ZNF600: variants seen among roughly 807,000 people sequenced by gnomAD.
ZNF600 encodes zinc finger protein 600.
ZNF600 carries 4 observed loss-of-function variants against 7.3 expected under a neutral mutation model. The observed-to-expected ratio is 0.55, with a 90% CI of 0.27 to 1.25. ZNF600 has a LOEUF of 1.25. Among genes scored for constraint, ZNF600 ranks in the 50% most tolerant of loss-of-function variants. The pLI is 0.12. For missense variants in ZNF600, 911 were observed against 922.1 expected (o/e 0.99, Z 0.16); for synonymous variants, 290 against 308.9 (o/e 0.94, Z 0.64).
chr19:52,769,910 G>A (rs547842188), intron 3 of ZNF600, among the ~76,000 whole-genome samples: 6 of 152,160 alleles, frequency 3.9e-5, no homozygotes, highest in South Asian at 2.1e-4. Flanking sequence ...ACCACATACC[G>A]AAAAGCCATA....
intron 3 of ZNF600, among the ~76,000 whole-genome samples, chr19:52,769,655 T>C (rs530733766): frequency 1.3e-5 from 2 of 152,316 alleles, no homozygotes; most frequent in Non-Finnish European, 2.9e-5. Context: ...TTTTATCTCT[T>C]TGTCTTGTGT....
the ZNF600 span, among the ~76,000 whole-genome samples, chr19:52,819,093 A>G: frequency 7.1e-6 from 1 of 140,126 alleles, no homozygotes; most frequent in Non-Finnish European, 1.5e-5. Context: ...CAACAACCTG[A>G]GACAGGAAGG....
At chr19:52,823,242 C>G in the ZNF600 span, among the ~76,000 whole-genome samples, 1 of 152,086 alleles carries the variant, frequency 6.6e-6, no homozygotes, top group Non-Finnish European at 1.5e-5. Context: ...GGTACGGAGT[C>G]TTGCTCTGTT....
the ZNF600 span, among the ~76,000 whole-genome samples, chr19:52,820,677 C>A: frequency 3.3e-5 from 5 of 152,142 alleles, no homozygotes; most frequent in Non-Finnish European, 7.3e-5. Context: ...CTCTGATGAG[C>A]CTCCACATTT....
At chr19:52,792,347 A>G in the ZNF600 span, among the ~76,000 whole-genome samples, 1 of 151,898 alleles carries the variant, frequency 6.6e-6, no homozygotes, top group Non-Finnish European at 1.5e-5. Flanking sequence ...AGGGAACCAG[A>G]CTCCCCTTCT....
At chr19:52,814,785 C>A in the ZNF600 span, among the ~76,000 whole-genome samples, 4 of 145,170 alleles carry the variant, frequency 2.8e-5, no homozygotes, top group African/African-American at 1.1e-4. Context: ...TACTCAGGAG[C>A]CTGAGGCAGG....
chr19:52,812,787 A>AAAAG, the ZNF600 span, among the ~76,000 whole-genome samples: 7 of 131,076 alleles, frequency 5.3e-5, no homozygotes, highest in African/African-American at 1.9e-4. Context: ...AAAAAAAAAA[A>AAAAG]GTTTTAAGTG....
the ZNF600 span, among the ~76,000 whole-genome samples, chr19:52,804,892 C>T: frequency 6.6e-6 from 1 of 152,174 alleles, no homozygotes; most frequent in African/African-American, 2.4e-5. Flanking sequence ...GCTGACAAAT[C>T]TTATTAAACA....
chr19:52,822,674 C>T, the ZNF600 span, among the ~76,000 whole-genome samples: 3 of 152,132 alleles, frequency 2.0e-5, no homozygotes, highest in Non-Finnish European at 2.9e-5. Context: ...CATAGTTCAT[C>T]CTGGCTGTAC....
chr19:52,766,278 C>T (rs1317887039), exon 4 of ZNF600: 1 of 1,613,780 alleles, frequency 6.2e-7, no homozygotes. Context: ...TTTCTCTCCA[C>T]TATGAATTCT....
the ZNF600 span, chr19:52,810,660 C>T: frequency 5.6e-6 from 6 of 1,078,928 alleles, no homozygotes; most frequent in East Asian, 4.7e-5. Flanking sequence ...TCTGGGGTCG[C>T]GTCTACAGGG....
At chr19:52,776,754 A>G (rs1189928992) in intron 2 of ZNF600, among the ~76,000 whole-genome samples, 4 of 152,162 alleles carry the variant, frequency 2.6e-5, no homozygotes, top group African/African-American at 7.2e-5. Context: ...CATTACAATT[A>G]TTATAAAAAA....
At chr19:52,828,943 C>T in the ZNF600 span, among the ~76,000 whole-genome samples, 1 of 152,284 alleles carries the variant, frequency 6.6e-6, no homozygotes, top group African/African-American at 2.4e-5. Context: ...TGAATGCAAG[C>T]TCTGCCTCCC....
the ZNF600 span, among the ~76,000 whole-genome samples, chr19:52,818,556 T>C: frequency 6.6e-6 from 1 of 151,844 alleles, no homozygotes; most frequent in Non-Finnish European, 1.5e-5. Context: ...CTACTAAAAA[T>C]ACAAAAAGTA....
intron 2 of ZNF600, among the ~76,000 whole-genome samples, chr19:52,778,024 T>C (rs895607190): frequency 7.5e-5 from 10 of 132,530 alleles, no homozygotes; most frequent in African/African-American, 2.3e-4. Flanking sequence ...CTCTCTCTCT[T>C]TTCTTTTGAG....
upstream of ZNF600, chr19:52,786,816 T>G (rs925904677): frequency 1.0e-4 from 34 of 330,602 alleles, no homozygotes; most frequent in Middle Eastern, 9.4e-4. Flanking sequence ...GCAGGTTGGC[T>G]GGACCTGGGC....
At chr19:52,801,170 A>G in the ZNF600 span, 1 of 1,614,130 alleles carries the variant, frequency 6.2e-7, no homozygotes, top group Non-Finnish European at 8.5e-7. Context: ...GTGAGCTACA[A>G]TTAAAGGATT....
At chr19:52,827,243 T>TA in the ZNF600 span, among the ~76,000 whole-genome samples, 1,456 of 69,202 alleles carry the variant, frequency 0.021, 21 homozygotes, top group African/African-American at 0.048. Context: ...ACCCTGTCTC[T>TA]AAAAACAAAA....
chr19:52,775,438 T>C (rs1163049250), intron 2 of ZNF600, among the ~76,000 whole-genome samples: 1 of 151,626 alleles, frequency 6.6e-6, no homozygotes, highest in East Asian at 1.9e-4. Context: ...TACTCCCAGC[T>C]ACTCAAGAGG....
Sources: allele counts gnomAD v4.1 joint callset (sites outside exome capture counted in the v4.1 genomes callset), GRCh38; gene constraint gnomAD v4.1.1; transcripts MANE v1.5; gene names NCBI Gene and HGNC (gene_info 2026-07-23, HGNC 2026-07-21).